ZNF721: variants seen among roughly 807,000 people sequenced by gnomAD.
ZNF721 encodes the protein zinc finger protein 721.
A neutral mutation model predicts 2.4 loss-of-function variants in ZNF721; 2 were observed. The observed-to-expected ratio is 0.82, with a 90% confidence interval of 0.34 to 2.58. The LOEUF (loss-of-function observed/expected upper bound fraction) is 2.58. ZNF721 is among the 30% of genes most tolerant of loss of function. The pLI is 0.11. For synonymous variants in ZNF721, 398 were observed against 381.8 expected (o/e 1.04, Z -0.50); for missense variants, 1,187 against 1,085.5 (o/e 1.09, Z -1.31).
chr4:441,621 A>G lies in ZNF721; in HGVS notation c.*74T>C, dbSNP rs2108686693. ...AGACCGCGACATTCGTCACCTTCGT[A>G]AGACATTCCCCTGGTATGAGTTCTC... On this transcript the variant is annotated 3_prime_UTR_variant, in exon 3 of 3. Coordinates refer to ENST00000511833, the MANE Select transcript of ZNF721 (RefSeq NM_133474.4). The G allele has an allele frequency of 6.2e-6, 8 of 1,281,950 alleles. No individual in the cohort carries two copies. The highest frequency in any genetic ancestry group is 3.8e-4 in the Middle Eastern group (2 of 5,264). The allele number at this position is 1,281,950 out of a possible 1,614,324, so 79.4% of individuals were successfully genotyped here. A position where few individuals can be genotyped will look rare whatever the true frequency, so the allele number is the denominator to read the frequency against.
intron 1 of ZNF721, among the ~76,000 whole-genome samples, chr4:473,316 AC>A (rs1715497101): frequency 6.6e-6 from 1 of 152,122 alleles, no homozygotes; most frequent in South Asian, 2.1e-4. Context: ...CCATTATAGT[AC>A]TACTCGGCTA....
At chr4:466,059 C>A (rs1715241931) in intron 2 of ZNF721, among the ~76,000 whole-genome samples, 1 of 149,842 alleles carries the variant, frequency 6.7e-6, no homozygotes, top group Non-Finnish European at 1.5e-5. Flanking sequence ...TGCAGTGGCA[C>A]AATCTTGGCT....
intron 2 of ZNF721, among the ~76,000 whole-genome samples, chr4:445,878 T>C (rs1553864091): frequency 6.6e-6 from 1 of 152,200 alleles, no homozygotes; most frequent in East Asian, 1.9e-4. Flanking sequence ...TGATGTGTCA[T>C]TTATAAGTGT....
chr4:451,121 G>A lies in ZNF721; in HGVS notation c.35-6689C>T, dbSNP rs1034517032. 4.0e-5 allele frequency among the ~76,000 whole-genome samples: 6 copies of A among 151,504 alleles called. No individual in the cohort carries two copies. The East Asian group carries it at 1.2e-3, about 29-fold the overall frequency. Reference sequence around the variant, plus strand: ...GAGATAAATATCAGATTTTTAAAATGTGACATATACATACAATATTTTATT... The same window carrying A: ...GAGATAAATATCAGATTTTTAAAATATGACATATACATACAATATTTTATT... On this transcript the variant is annotated intron_variant, in intron 2 of 2. Transcript: ENST00000511833.
At chr4:475,616 C>T (rs1715605122) in intron 1 of ZNF721, among the ~76,000 whole-genome samples, 1 of 134,834 alleles carries the variant, frequency 7.4e-6, no homozygotes, top group Admixed American at 7.1e-5. Flanking sequence ...CTATAGGCAG[C>T]TCCACAACTA....
In ZNF721 at chr4:486,222, G is replaced by C. The variant is rs559304705; in HGVS notation, c.-94+12834C>G. On this transcript the variant is annotated intron_variant, in intron 1 of 2. Transcript: ENST00000511833. ...TCGCCCAGGCTGCATGCAGTGGCGC[G>C]ATCTTGGCTCATTGCAACTTCTGCC... 6.9e-4 allele frequency among the ~76,000 whole-genome samples: 102 copies of C among 148,446 alleles called. 1 individual carries two copies. The highest frequency in any genetic ancestry group is 1.3e-3 in the Non-Finnish European group (87 of 67,358).
intron 1 of ZNF721, among the ~76,000 whole-genome samples, chr4:496,088 C>A (rs556856470): frequency 4.7e-4 from 71 of 152,232 alleles, no homozygotes; most frequent in Admixed American, 3.1e-3. Context: ...ATTTAAAAAT[C>A]TTTTCTCTGT....
intron 2 of ZNF721, among the ~76,000 whole-genome samples, chr4:454,970 A>C (rs1714800258): frequency 6.6e-6 from 1 of 152,212 alleles, no homozygotes; most frequent in Non-Finnish European, 1.5e-5. Flanking sequence ...AAAAAGAGCT[A>C]GGGTCCCACA....
intron 2 of ZNF721, among the ~76,000 whole-genome samples, chr4:467,450 A>G (rs552977486): frequency 6.6e-5 from 10 of 152,342 alleles, no homozygotes; most frequent in African/African-American, 2.4e-4. Flanking sequence ...TTCCTAGAAA[A>G]CATAAGTAGA....
intron 1 of ZNF721, among the ~76,000 whole-genome samples, chr4:491,894 C>T (rs111903520): frequency 6.6e-6 from 1 of 152,076 alleles, no homozygotes; most frequent in Non-Finnish European, 1.5e-5. Flanking sequence ...GTGGCTCATG[C>T]CTGTAATCCC....
At chr4:473,435 G>C (rs1425458196) in intron 1 of ZNF721, among the ~76,000 whole-genome samples, 2 of 152,128 alleles carry the variant, frequency 1.3e-5, no homozygotes, top group African/African-American at 2.4e-5. Flanking sequence ...GCAGCCACGC[G>C]GAGGAGGCGC....
chr4:474,024 C>CA (rs200778794), intron 1 of ZNF721: 22,971 of 1,501,286 alleles, frequency 0.015, 243 homozygotes, highest in Non-Finnish European at 0.018. Flanking sequence ...AGCTACGAAT[C>CA]ATCCAATACC....
At chr4:498,418 T>A (rs1553873142) in intron 1 of ZNF721, among the ~76,000 whole-genome samples, 2 of 152,084 alleles carry the variant, frequency 1.3e-5, no homozygotes, top group Non-Finnish European at 2.9e-5. Flanking sequence ...TTGAATAGAA[T>A]GGGAGGCAGG....
At chr4:489,242 G>A (rs565158564) in intron 1 of ZNF721, among the ~76,000 whole-genome samples, 1 of 152,222 alleles carries the variant, frequency 6.6e-6, no homozygotes, top group Admixed American at 6.5e-5. Flanking sequence ...ACCCTTAGGG[G>A]AGAAATTGAC....
At chr4:472,508 A>G in intron 2 of ZNF721, 67 bp downstream of exon 2, 2 of 1,531,876 alleles carry the variant, frequency 1.3e-6, no homozygotes, top group Non-Finnish European at 1.8e-6. Context: ...CTCAAAAGAC[A>G]TTCTACAAAA....
At chr4:461,402 AC>A (rs1165477309) in intron 2 of ZNF721, among the ~76,000 whole-genome samples, 2 of 152,100 alleles carry the variant, frequency 1.3e-5, no homozygotes, top group African/African-American at 2.4e-5. Flanking sequence ...AAAATTCAAC[AC>A]CCCTTCATGC....
At chr4:480,020 G>A (rs1479395275) in intron 1 of ZNF721, among the ~76,000 whole-genome samples, 4 of 152,010 alleles carry the variant, frequency 2.6e-5, no homozygotes, top group Non-Finnish European at 4.4e-5. Context: ...TGTGTGTTTG[G>A]TTTCACCTGG....
In ZNF721 at chr4:443,125, T is replaced by A. The variant is rs563526308; in HGVS notation, c.1342A>T (p.Lys448Ter). The change falls in exon 3 of 3, where the codon AAA becomes TAA. Residue 448 changes from lysine to a stop codon, truncating the protein, a stop_gained. Transcript: ENST00000511833. LOFTEE classifies it low-confidence loss of function (END_TRUNC). Reference sequence around the variant, plus strand: ...TGTATAAAGGCTTTCCCACATTCTTTACATTTGTAGGGTTTATCTCCAGTA... The same window carrying A: ...TGTATAAAGGCTTTCCCACATTCTTAACATTTGTAGGGTTTATCTCCAGTA... ...IHTGDKPYKC[K>*]ECGKAFIHSL... The A allele has an allele frequency of 2.5e-5, 40 of 1,613,682 alleles. No homozygotes were observed. The East Asian group carries it at 8.9e-4, about 36-fold the overall frequency.
At chr4:484,204 AC>A (rs1255025920) in intron 1 of ZNF721, among the ~76,000 whole-genome samples, 1 of 152,100 alleles carries the variant, frequency 6.6e-6, no homozygotes, top group African/African-American at 2.4e-5. Flanking sequence ...GACACTTATC[AC>A]TACCCCAATC....
Sources: gnomAD v4.1 joint callset for allele counts (sites outside exome capture counted in the v4.1 genomes callset) on GRCh38, gnomAD v4.1.1 for gene constraint, MANE v1.5 for transcripts, NCBI Gene and HGNC (gene_info 2026-07-23, HGNC 2026-07-21) for gene names.